Variants in SLC7A8 observed in about 807,000 individuals in gnomAD.
SLC7A8 encodes solute carrier family 7 member 8.
SLC7A8 carries 30 observed loss-of-function variants against 51.2 expected under a neutral mutation model. The ratio of observed to expected loss-of-function variants is 0.59; its 90% CI spans 0.44 to 0.80. The LOEUF (loss-of-function observed/expected upper bound fraction) is 0.80. Ranked by LOEUF, SLC7A8 falls within the 30% of genes least tolerant of loss-of-function variation. SLC7A8 has a pLI of 0.00. For synonymous variants in SLC7A8, 257 were observed against 275.8 expected (o/e 0.93, Z 0.67); for missense variants, 612 against 674.4 (o/e 0.91, Z 1.03).
chr14:23,155,863 G>T (rs1423032695), intron 3 of SLC7A8, among the ~76,000 whole-genome samples: 1 of 152,168 alleles, frequency 6.6e-6, no homozygotes, highest in East Asian at 1.9e-4. Flanking sequence ...GGACCAGAAG[G>T]CTTGTAGGCT....
intron 3 of SLC7A8, among the ~76,000 whole-genome samples, chr14:23,143,448 G>A (rs1045516392): frequency 6.6e-6 from 1 of 152,264 alleles, no homozygotes; most frequent in Non-Finnish European, 1.5e-5. Context: ...GAAGCCAGAA[G>A]TAGGCATGGA....
At chr14:23,151,785 T>G (rs1305693120) in intron 3 of SLC7A8, among the ~76,000 whole-genome samples, 1 of 146,308 alleles carries the variant, frequency 6.8e-6, no homozygotes, top group Admixed American at 6.8e-5. Flanking sequence ...AAAAGCTTGC[T>G]GGGCACAGTG....
intron 3 of SLC7A8, chr14:23,155,372 C>G: frequency 6.6e-7 from 1 of 1,505,870 alleles, no homozygotes; most frequent in Non-Finnish European, 8.9e-7. Context: ...CTCCCCTCCT[C>G]CCTTCCTGGC....
chr14:23,177,131 TTTTTAA>T (rs1387797080), intron 1 of SLC7A8, among the ~76,000 whole-genome samples: 1 of 152,240 alleles, frequency 6.6e-6, no homozygotes, highest in African/African-American at 2.4e-5. Flanking sequence ...CATTATATAC[TTTTTAA>T]TTTTATTATT....
At chr14:23,177,903 G>C (rs1876992817) in intron 1 of SLC7A8, among the ~76,000 whole-genome samples, 1 of 152,308 alleles carries the variant, frequency 6.6e-6, no homozygotes, top group South Asian at 2.1e-4. Context: ...CTATAAAAAT[G>C]AATAAGGACC....
intron 5 of SLC7A8, among the ~76,000 whole-genome samples, chr14:23,140,245 C>T (rs2048730204): frequency 6.6e-6 from 1 of 152,164 alleles, no homozygotes; most frequent in African/African-American, 2.4e-5. Context: ...TTTTCAGCTT[C>T]TAATCTGCTC....
In SLC7A8 at chr14:23,131,527, G is replaced by A; in HGVS notation, c.1047C>T (p.His349=). The change falls in exon 8 of 11, where the codon CAC becomes CAT. Residue 349 remains histidine (H), a synonymous_variant. Coordinates refer to ENST00000316902, the MANE Select transcript of SLC7A8 (RefSeq NM_012244.4). ...RLFFAGAREG[H]LPSVLAMIHV... Reference sequence around the variant, plus strand: ...GGATCATGGCCAACACACTGGGAAGGTGGCCCTCTCGGGCTCCAGCGAAGA... The same window carrying A: ...GGATCATGGCCAACACACTGGGAAGATGGCCCTCTCGGGCTCCAGCGAAGA... 1 of 1,608,048 alleles carries A rather than the reference G, an allele frequency of 6.2e-7. No homozygotes were observed. Among genetic ancestry groups the A allele is most frequent in the Non-Finnish European group, 8.5e-7 (1 of 1,177,574 alleles).
intron 1 of SLC7A8, 22 bp downstream of exon 1, chr14:23,182,742 C>T: frequency 6.6e-7 from 1 of 1,525,964 alleles, no homozygotes; most frequent in East Asian, 2.3e-5. Context: ...AGGAGGGGTC[C>T]GCGGGAAGGA....
intron 3 of SLC7A8, among the ~76,000 whole-genome samples, chr14:23,161,452 A>G (rs536677301): frequency 6.7e-6 from 1 of 150,358 alleles, no homozygotes; most frequent in South Asian, 2.2e-4. Flanking sequence ...AGCAGGAAGC[A>G]GAGTTCCCCA....
chr14:23,132,311 T>C (rs1397224042), intron 7 of SLC7A8, among the ~76,000 whole-genome samples: 3 of 151,958 alleles, frequency 2.0e-5, no homozygotes, highest in Non-Finnish European at 4.4e-5. Flanking sequence ...CTAAAAACAC[T>C]CTTGTCCTAG....
In SLC7A8 at chr14:23,152,155, A is replaced by T. The variant is rs114645023; in HGVS notation, c.509-8951T>A. Reference sequence around the variant, plus strand: ...TAACTGTTTTCTTTTTTTTGAGAGCAGTCTCATTCTGTCACCCAGGCTGGA... The same window carrying T: ...TAACTGTTTTCTTTTTTTTGAGAGCTGTCTCATTCTGTCACCCAGGCTGGA... On this transcript the variant is annotated intron_variant, in intron 3 of 10. Transcript: ENST00000316902. 3.9e-5 allele frequency among the ~76,000 whole-genome samples: 6 copies of T among 152,248 alleles called. No homozygotes were observed. The East Asian group carries it at 1.2e-3, about 29-fold the overall frequency.
intron 3 of SLC7A8, chr14:23,155,155 G>GA (rs1566367853): frequency 1.3e-6 from 2 of 1,535,376 alleles, no homozygotes; most frequent in Admixed American, 3.9e-5. Context: ...TTTTCATCTC[G>GA]AAGCACTTAC....
rs1301200119 is a variant in SLC7A8, at chr14:23,128,099, G to A, written c.1361C>T (p.Ala454Val). ...GACAGGCACTCCTGTCAGCATGATG[G>A]CCAGGCCAATGCCACACACCACCGG... ...SEPVVCGIGL[A>V]IMLTGVPVYF... Residue 454 changes from alanine (A) to valine (V), a missense_variant, in exon 10 of 11, where the codon GCC (alanine) becomes GTC (valine). By Grantham distance (64) the Ala-to-Val change is moderately conservative. Coordinates refer to ENST00000316902, the MANE Select transcript of SLC7A8 (RefSeq NM_012244.4). This position sits in a 1 kb window ranked among gnomAD's most constrained non-coding sequence, Gnocchi z 4.3. 1.2e-6 allele frequency: 2 copies of A among 1,614,050 alleles called. No individual in the cohort carries two copies. Among genetic ancestry groups the A allele is most frequent in the African/African-American group, 1.3e-5 (1 of 74,916 alleles).
rs370048966 is a variant in SLC7A8 at position 23,165,458 on chromosome 14, C to T, written c.357-22G>A. The T allele has an allele frequency of 7.6e-5, 119 of 1,574,058 alleles. No homozygotes were observed. The highest frequency in any genetic ancestry group is 9.6e-5 in the Non-Finnish European group (112 of 1,165,232). ...GAACCTGAAGGAGGAAAGGGACATC[C>T]GCCGAAAGGCATGGCAGGGACGCAG... is the stretch of plus-strand genomic sequence containing the variant. On this transcript the variant is annotated intron_variant, in intron 2 of 10. Transcript: ENST00000316902. The surrounding 1 kb of genome is among the most constrained non-coding windows in gnomAD (Gnocchi z 4.2).
At chr14:23,164,739 C>T (rs890238779) in intron 3 of SLC7A8, among the ~76,000 whole-genome samples, 1 of 152,100 alleles carries the variant, frequency 6.6e-6, no homozygotes, top group African/African-American at 2.4e-5. Context: ...GGCCTGTAAT[C>T]CCAGCACTTT....
At chr14:23,132,863 C>T (rs1258814462) in intron 7 of SLC7A8, among the ~76,000 whole-genome samples, 5 of 151,780 alleles carry the variant, frequency 3.3e-5, no homozygotes, top group South Asian at 2.1e-4. Context: ...CTCGAACTCC[C>T]GACCTCAGGT....
chr14:23,156,004 T>TTTC (rs2140329140), intron 3 of SLC7A8, among the ~76,000 whole-genome samples: 2 of 119,858 alleles, frequency 1.7e-5, no homozygotes, highest in African/African-American at 9.2e-5. Context: ...TTTTCTTTTC[T>TTTC]TTTTTTTTTT....
At chr14:23,164,900 G>A (rs1245182002) in intron 3 of SLC7A8, among the ~76,000 whole-genome samples, 5 of 152,042 alleles carry the variant, frequency 3.3e-5, no homozygotes, top group Non-Finnish European at 7.4e-5. Flanking sequence ...TCTGAGGTGG[G>A]AGAATCACTT....
intron 6 of SLC7A8, among the ~76,000 whole-genome samples, chr14:23,138,876 G>C (rs1209066359): frequency 1.3e-5 from 2 of 152,190 alleles, no homozygotes; most frequent in African/African-American, 2.4e-5. Context: ...GGCAGGCTGG[G>C]TGGTGGCCCA....
Sources: allele counts gnomAD v4.1 joint callset (sites outside exome capture counted in the v4.1 genomes callset), GRCh38; gene constraint gnomAD v4.1.1; non-coding constraint Gnocchi (gnomAD v3.1); transcripts MANE v1.5; gene names NCBI Gene and HGNC (gene_info 2026-07-23, HGNC 2026-07-21).